The following SHTN1 variants were observed in gnomAD, a reference collection of about 807,000 sequenced individuals.
SHTN1 encodes the protein shootin 1.
A neutral mutation model predicts 83.1 loss-of-function variants in SHTN1; 42 were observed. The observed-to-expected ratio is 0.51, with a 90% confidence interval of 0.39 to 0.65. The LOEUF (loss-of-function observed/expected upper bound fraction) is 0.65, where lower values mean the gene tolerates loss of function less well. Among genes scored for constraint, SHTN1 ranks in the 30% least tolerant of loss-of-function variants. SHTN1 has a pLI of 0.00. For synonymous variants in SHTN1, 224 were observed against 247.7 expected (o/e 0.90, Z 0.90); for missense variants, 622 against 737.8 (o/e 0.84, Z 1.82).
At chr10:117,097,291 T>C (rs1191974316) in intron 1 of SHTN1, among the ~76,000 whole-genome samples, 4 of 152,256 alleles carry the variant, frequency 2.6e-5, no homozygotes, top group Non-Finnish European at 4.4e-5. Flanking sequence ...ATGTATGGTC[T>C]TATTTGGTTG....
chr10:117,104,084 A>G (rs2133632637), intron 1 of SHTN1, among the ~76,000 whole-genome samples: 1 of 152,276 alleles, frequency 6.6e-6, no homozygotes, highest in East Asian at 1.9e-4. Context: ...AGTCAGAACG[A>G]GGAGTCAAAT....
At chr10:116,906,798 T>C (rs764686960) in intron 14 of SHTN1, 51 bp from the exon 15 acceptor site, 265 of 1,388,616 alleles carry the variant, frequency 1.9e-4, no homozygotes, top group Non-Finnish European at 2.4e-4. Context: ...TAATACAATA[T>C]ACAAAAGAAT....
chr10:116,896,076 A>G (rs1227645721), intron 16 of SHTN1, among the ~76,000 whole-genome samples: 3 of 152,172 alleles, frequency 2.0e-5, no homozygotes, highest in African/African-American at 4.8e-5. Flanking sequence ...TCTTAGATGG[A>G]TATTATTTTA....
At chr10:117,007,794 C>T (rs10736262), upstream of SHTN1, among the ~76,000 whole-genome samples, 136,313 of 151,744 alleles carry the variant, frequency 0.9, 62,931 homozygotes, top group Non-Finnish European at 1. Flanking sequence ...GGGCAGATCA[C>T]GAGGTCAGGA....
chr10:117,086,233 G>A (rs537156613), intron 1 of SHTN1, among the ~76,000 whole-genome samples: 140 of 152,216 alleles, frequency 9.2e-4, no homozygotes, highest in African/African-American at 2.1e-3. Flanking sequence ...CACCGCGCCC[G>A]GCCGTCTGAA....
chr10:117,077,799 G>C (rs1225478303), intron 1 of SHTN1, among the ~76,000 whole-genome samples: 2 of 152,052 alleles, frequency 1.3e-5, no homozygotes, highest in Non-Finnish European at 2.9e-5. Flanking sequence ...CCCTACAAAG[G>C]ACATGAACTC....
intron 12 of SHTN1, 38 bp downstream of exon 12, chr10:116,921,396 C>T (rs764823287): frequency 1.4e-6 from 2 of 1,460,268 alleles, no homozygotes; most frequent in Admixed American, 3.6e-5. Context: ...CAAAATGGTA[C>T]ACCATCAACC....
chr10:116,990,527 T>C (rs1281447237), intron 1 of SHTN1, among the ~76,000 whole-genome samples: 1 of 152,176 alleles, frequency 6.6e-6, no homozygotes, highest in Non-Finnish European at 1.5e-5. Context: ...ATTCTCTTAA[T>C]TGTCTTAACA....
At chr10:116,928,040 T>C in intron 10 of SHTN1, 149 bp from the exon 11 acceptor site, 1 of 816,090 alleles carries the variant, frequency 1.2e-6, no homozygotes, top group Non-Finnish European at 1.9e-6. Context: ...TACAGACCTT[T>C]TTAAACTTTT....
chr10:116,921,341 C>A, intron 12 of SHTN1, 93 bp downstream of exon 12: 1 of 855,290 alleles, frequency 1.2e-6, no homozygotes, highest in South Asian at 1.6e-5. Context: ...ACTCTCCCAA[C>A]AACATGTTTA....
intron 16 of SHTN1, among the ~76,000 whole-genome samples, chr10:116,890,345 G>A (rs1847300423): frequency 6.6e-6 from 1 of 152,172 alleles, no homozygotes; most frequent in Non-Finnish European, 1.5e-5. Flanking sequence ...TGCTTGGGCT[G>A]ACAGGGATCA....
intron 1 of SHTN1, among the ~76,000 whole-genome samples, chr10:117,089,855 C>T (rs1026157116): frequency 1.3e-5 from 2 of 152,118 alleles, no homozygotes; most frequent in Admixed American, 6.6e-5. Flanking sequence ...ATCAAACCCA[C>T]AATGAAACAC....
chr10:117,034,660 T>C (rs1303717813), intron 2 of SHTN1, among the ~76,000 whole-genome samples: 2 of 150,858 alleles, frequency 1.3e-5, no homozygotes, highest in East Asian at 1.9e-4. Flanking sequence ...AAAATCAACA[T>C]AGAAAAATCA....
chr10:116,944,743 T>C (rs1849511746), intron 8 of SHTN1, among the ~76,000 whole-genome samples, 181 bp downstream of exon 8: 1 of 151,648 alleles, frequency 6.6e-6, no homozygotes, highest in African/African-American at 2.4e-5. Context: ...ATACAAAAAT[T>C]AGCTGGGCAC....
chr10:117,097,726 G>C (rs949933130), intron 1 of SHTN1, among the ~76,000 whole-genome samples: 3 of 152,182 alleles, frequency 2.0e-5, no homozygotes. Flanking sequence ...AAATGTATTT[G>C]AGAACTCACT....
At chr10:117,019,492 AT>A (rs1185362349) in intron 2 of SHTN1, among the ~76,000 whole-genome samples, 1 of 152,154 alleles carries the variant, frequency 6.6e-6, no homozygotes, top group Non-Finnish European at 1.5e-5. Flanking sequence ...CCTTAAAAAC[AT>A]TTAAAAAAAA....
chr10:117,096,056 G>C (rs763493187), intron 1 of SHTN1, among the ~76,000 whole-genome samples: 1 of 152,104 alleles, frequency 6.6e-6, no homozygotes, highest in Non-Finnish European at 1.5e-5. Flanking sequence ...CTCTATTTAA[G>C]ACTCTTCTCA....
rs1050873861 is a variant in SHTN1, at chr10:116,973,915, G to A, written c.112-5203C>T. On this transcript the variant is annotated intron_variant, in intron 2 of 16. Coordinates refer to ENST00000355371, the MANE Select transcript of SHTN1 (RefSeq NM_001127211.3). ...CATCAATTCATTTTTAATAGTAGTC[G>A]ACAATTCTACTGCTCCACCTATGTA... is the stretch of plus-strand genomic sequence containing the variant. The A allele has an allele frequency of 3.9e-6, 5 of 1,282,694 alleles. No homozygotes were observed. In the Admixed American group the frequency reaches 6.9e-5, roughly 18 times the overall value. The allele number at this position is 1,282,694 out of a possible 1,614,324, so 79.5% of individuals were successfully genotyped here. A position where few individuals can be genotyped will look rare whatever the true frequency, so the allele number is the denominator to read the frequency against.
At chr10:117,063,235 C>T (rs865897307) in intron 1 of SHTN1, among the ~76,000 whole-genome samples, 2 of 152,256 alleles carry the variant, frequency 1.3e-5, no homozygotes, top group South Asian at 4.1e-4. Context: ...CCTTTACTAA[C>T]AGGAAGCATT....
Sources: allele counts gnomAD v4.1 joint callset (sites outside exome capture counted in the v4.1 genomes callset), GRCh38; gene constraint gnomAD v4.1.1; transcripts MANE v1.5; gene names NCBI Gene and HGNC (gene_info 2026-07-23, HGNC 2026-07-21).